The following PLCB1 variants were observed in gnomAD, a reference collection of about 807,000 sequenced individuals.
PLCB1 encodes 1-phosphatidylinositol 4,5-bisphosphate phosphodiesterase beta-1.
A neutral mutation model predicts 161.8 loss-of-function variants in PLCB1; 46 were observed. The observed-to-expected ratio is 0.28, with a 90% CI of 0.22 to 0.36. The LOEUF (loss-of-function observed/expected upper bound fraction) is 0.36, where lower values mean the gene tolerates loss of function less well. Ranked by LOEUF, PLCB1 falls within the 10% of genes least tolerant of loss-of-function variation. The pLI is 1.00. For missense variants in PLCB1, 1,016 were observed against 1,472.5 expected (o/e 0.69, Z 5.07); for synonymous variants, 517 against 503.7 (o/e 1.03, Z -0.35).
chr20:8,815,445 T>C (rs1468512405), intron 31 of PLCB1, among the ~76,000 whole-genome samples: 2 of 152,220 alleles, frequency 1.3e-5, no homozygotes, highest in Non-Finnish European at 2.9e-5. Flanking sequence ...TTTATCATCT[T>C]GCAACGGTGG....
rs370779563 is a variant in PLCB1 at position 8,589,858 on chromosome 20, ATCCTCCCACCTCAGCC to A, written c.247-38432_247-38417del. Among the ~76,000 whole-genome samples the A allele has an allele frequency of 7.3e-3, 1,113 of 151,990 alleles. 16 individuals carry two copies. The highest frequency in any genetic ancestry group is 0.026 in the African/African-American group (1,074 of 41,464). On this transcript the variant is annotated intron_variant, in intron 3 of 31. Coordinates refer to ENST00000338037, the MANE Select transcript of PLCB1 (RefSeq NM_015192.4). ...GGTCTCAAACTCTTGGCCTCAAGTG[ATCCTCCCACCTCAGCC>A]TCCCAAAGGGCAGGGATTACAGGCA...
chr20:8,431,949 A>C (rs561457303), intron 3 of PLCB1, among the ~76,000 whole-genome samples: 1 of 151,886 alleles, frequency 6.6e-6, no homozygotes, highest in Admixed American at 6.6e-5. Context: ...CTGGCAAGGT[A>C]GGTTTCAGAA....
In PLCB1 at chr20:8,132,829, G is replaced by T; in HGVS notation, c.99+79G>T. 1.0e-6 allele frequency: 1 copy of T among 994,520 alleles called. No homozygotes were observed. Among genetic ancestry groups the T allele is most frequent in the Non-Finnish European group, 1.5e-6 (1 of 645,380 alleles). The allele number at this position is 994,520 out of a possible 1,614,324, so 61.6% of individuals were successfully genotyped here. A position where few individuals can be genotyped will look rare whatever the true frequency, so the allele number is the denominator to read the frequency against. ...GGGCGTCGTGGGGGTGGGGCAAGGG[G>T]CGCGTTATGCAATGGGCGCACTGGG... On this transcript the variant is annotated intron_variant, in intron 1 of 31. Transcript: ENST00000338037. This position sits in a 1 kb window ranked among gnomAD's most constrained non-coding sequence, Gnocchi z 5.2.
intron 3 of PLCB1, among the ~76,000 whole-genome samples, chr20:8,449,913 A>G (rs772857467): frequency 7.9e-5 from 12 of 152,356 alleles, no homozygotes; most frequent in Non-Finnish European, 1.5e-4. Context: ...TATAATGTCC[A>G]TCATACCATG....
At chr20:8,676,763 A>T (rs1327517255) in intron 9 of PLCB1, among the ~76,000 whole-genome samples, 1 of 152,226 alleles carries the variant, frequency 6.6e-6, no homozygotes, top group Non-Finnish European at 1.5e-5. Flanking sequence ...AACTTGAAAT[A>T]TGAACAGATA....
chr20:8,565,507 A>C (rs987776731), intron 3 of PLCB1, among the ~76,000 whole-genome samples: 5 of 151,416 alleles, frequency 3.3e-5, no homozygotes, highest in Non-Finnish European at 7.4e-5. Flanking sequence ...AAACTTTATT[A>C]TACTTTAAAT....
At chr20:8,853,408 T>A (rs1184167728) in intron 31 of PLCB1, among the ~76,000 whole-genome samples, 1 of 152,192 alleles carries the variant, frequency 6.6e-6, no homozygotes, top group Non-Finnish European at 1.5e-5. Flanking sequence ...TAACAGCTAT[T>A]CTGATGTCAG....
At position 8,589,610 on chromosome 20, in the gene PLCB1, CTTTTTTTTTTTTT is replaced by C. The variant is rs71183102; in HGVS notation, c.247-38672_247-38660del. On this transcript the variant is annotated intron_variant, in intron 3 of 31. Transcript: ENST00000338037. ...GGCTCTCTCTGGGGTCAATCTCTCT[CTTTTTTTTTTTTT>C]TTTTTTTTTTTGAGACAGAGTCTTG... is the stretch of plus-strand genomic sequence containing the variant. Among the ~76,000 whole-genome samples the C allele has an allele frequency of 2.5e-5, 2 of 80,106 alleles. 1 individual carries two copies. Among genetic ancestry groups the C allele is most frequent in the South Asian group, 1.0e-3 (2 of 1,930 alleles). 52.6% of individuals were successfully genotyped at this position (80,106 alleles called of 152,430 possible). A position where few individuals can be genotyped will look rare whatever the true frequency, so the allele number is the denominator to read the frequency against.
chr20:8,539,056 G>A (rs1985169139), intron 3 of PLCB1, among the ~76,000 whole-genome samples: 1 of 152,096 alleles, frequency 6.6e-6, no homozygotes, highest in South Asian at 2.1e-4. Flanking sequence ...CAAAGTGCTG[G>A]GGTTACAGGC....
chr20:8,350,057 T>G (rs571638765), intron 2 of PLCB1, among the ~76,000 whole-genome samples: 1 of 152,358 alleles, frequency 6.6e-6, no homozygotes, highest in Non-Finnish European at 1.5e-5. Flanking sequence ...GTTCCAGAAA[T>G]GAACAATTGG....
At chr20:8,873,280 C>G (rs1348758780) in intron 31 of PLCB1, among the ~76,000 whole-genome samples, 1 of 152,086 alleles carries the variant, frequency 6.6e-6, no homozygotes, top group African/African-American at 2.4e-5. Context: ...TAAGATGAGG[C>G]CTTGCACGTT....
intron 4 of PLCB1, among the ~76,000 whole-genome samples, chr20:8,644,002 G>C (rs1356764973): frequency 2.0e-5 from 3 of 152,206 alleles, no homozygotes; most frequent in Non-Finnish European, 4.4e-5. Flanking sequence ...TCGCTGTGTT[G>C]GCCGGGCTGG....
intron 3 of PLCB1, among the ~76,000 whole-genome samples, chr20:8,500,844 C>T (rs1053743751): frequency 3.3e-5 from 5 of 152,086 alleles, no homozygotes; most frequent in Admixed American, 6.6e-5. Flanking sequence ...GTTTCTTCTT[C>T]CATAATATGA....
chr20:8,510,883 A>C (rs1014319109), intron 3 of PLCB1, among the ~76,000 whole-genome samples: 12 of 152,208 alleles, frequency 7.9e-5, no homozygotes, highest in African/African-American at 1.2e-4. Flanking sequence ...GCAAATAATG[A>C]TTACATATGT....
At chr20:8,572,703 T>C (rs1986559214) in intron 3 of PLCB1, among the ~76,000 whole-genome samples, 1 of 152,142 alleles carries the variant, frequency 6.6e-6, no homozygotes, top group Admixed American at 6.6e-5. Context: ...CAGACTTCAG[T>C]TACAAAACAC....
intron 9 of PLCB1, among the ~76,000 whole-genome samples, chr20:8,663,752 A>G (rs1989742946): frequency 6.6e-6 from 1 of 152,122 alleles, no homozygotes; most frequent in African/African-American, 2.4e-5. Context: ...GAAAAATGCC[A>G]TGGCCTCTGG....
chr20:8,547,761 T>C (rs2206423), intron 3 of PLCB1, among the ~76,000 whole-genome samples: 17,495 of 152,178 alleles, frequency 0.11, 1,279 homozygotes, highest in African/African-American at 0.21. Flanking sequence ...CCAGATTAAC[T>C]AGTATATCAA....
At chr20:8,804,345 A>G (rs993101735) in intron 31 of PLCB1, among the ~76,000 whole-genome samples, 7 of 152,176 alleles carry the variant, frequency 4.6e-5, no homozygotes, top group Non-Finnish European at 1.0e-4. Context: ...GGGGAAAAAT[A>G]TTTATTTTAA....
chr20:8,860,130 A>G (rs2146312138), intron 31 of PLCB1, among the ~76,000 whole-genome samples: 1 of 152,360 alleles, frequency 6.6e-6, no homozygotes, highest in Middle Eastern at 3.4e-3. Flanking sequence ...ACTCCAGCGA[A>G]TAATGGGAGA....
Sources: gnomAD v4.1 joint callset for allele counts (sites outside exome capture counted in the v4.1 genomes callset) on GRCh38, gnomAD v4.1.1 for gene constraint, Gnocchi (gnomAD v3.1) non-coding constraint, MANE v1.5 for transcripts, NCBI Gene and HGNC (gene_info 2026-07-23, HGNC 2026-07-21) for gene names.